The following IGF2R variants were observed in gnomAD, a reference collection of about 807,000 sequenced individuals.
IGF2R encodes cation-independent mannose-6-phosphate receptor.
IGF2R carries 91 observed loss-of-function variants against 270.6 expected under a neutral mutation model. That is an observed-to-expected ratio of 0.34 (90% CI 0.28 to 0.40). IGF2R has a LOEUF of 0.40. IGF2R is among the 10% of genes least tolerant of loss of function. The pLI is 1.00. For synonymous variants in IGF2R, 1,316 were observed against 1,258.9 expected (o/e 1.05, Z -0.96); for missense variants, 2,805 against 3,188.3 (o/e 0.88, Z 2.90).
Position 160,075,902 on chromosome 6 carries a change from A to G in IGF2R, c.5222A>G (p.Tyr1741Cys), listed in dbSNP as rs1364656789. The G allele has an allele frequency of 1.2e-6, 2 of 1,613,956 alleles. No homozygotes were observed. Among genetic ancestry groups the G allele is most frequent in the African/African-American group, 1.3e-5 (1 of 74,944 alleles). The change falls in exon 36 of 48, where the codon TAC becomes TGC. Residue 1741 changes from tyrosine to cysteine, a missense_variant. By Grantham distance (194) the Tyr-to-Cys change is radical (BLOSUM62 -2). Around this residue, in one of 2 missense-constraint regions of IGF2R, gnomAD observed 1,851 missense variants for 2,207.2 expected, o/e 0.84. Coordinates refer to ENST00000356956, the MANE Select transcript of IGF2R (RefSeq NM_000876.4). ...PILNPIANEI[Y>C]LNFESSTPCL... ...CTCAATCCAATAGCAAATGAGATTT[A>G]CTTGAATTTTGAAAGCAGTACTCCT...
At chr6:160,057,929 C>A in intron 20 of IGF2R, 94 bp from the exon 21 acceptor site, 1 of 734,504 alleles carries the variant, frequency 1.4e-6, no homozygotes, top group Admixed American at 2.1e-5. Context: ...TTGTCAGGTG[C>A]ATACTTGCAG....
chr6:160,085,183 G>A, intron 41 of IGF2R, 52 bp downstream of exon 41: 1 of 1,584,634 alleles, frequency 6.3e-7, no homozygotes, highest in Non-Finnish European at 8.6e-7. Context: ...TCTGAACCGG[G>A]AAGGTGAGGG....
rs1012364806 is a variant in IGF2R, at chr6:160,109,680, T to C, written c.*4596T>C. 6.6e-6 allele frequency: 1 copy of C among 152,184 alleles called. No homozygotes were observed. Among genetic ancestry groups the C allele is most frequent in the African/African-American group, 2.4e-5 (1 of 41,436 alleles). 9.4% of individuals were successfully genotyped at this position (152,184 alleles called of 1,614,324 possible). Reference sequence around the variant, plus strand: ...ATGGTCACGTGTTGCAGGTGATCATTGTGCCATTTGGTTTACTTCTGTCTG... The same window carrying C: ...ATGGTCACGTGTTGCAGGTGATCATCGTGCCATTTGGTTTACTTCTGTCTG... On this transcript the variant is annotated 3_prime_UTR_variant, in exon 48 of 48. Coordinates refer to ENST00000356956, the MANE Select transcript of IGF2R (RefSeq NM_000876.4).
chr6:160,032,610 T>A lies in IGF2R; in HGVS notation c.942T>A (p.Thr314=), dbSNP rs776635110. The stretch of plus-strand genomic sequence containing the variant: ...GCCGCTATGAAATTGAGTGGATTAC[T>A]GAGTATGCCTGCCACAGAGATTACC... ...SNCRYEIEWI[T]EYACHRDYLE... The change falls in exon 8 of 48, where the codon ACT becomes ACA. Residue 314 remains threonine, a synonymous_variant. Coordinates refer to ENST00000356956, the MANE Select transcript of IGF2R (RefSeq NM_000876.4). 1 of 1,614,196 alleles carries A rather than the reference T, an allele frequency of 6.2e-7. No homozygotes were observed. Among genetic ancestry groups the A allele is most frequent in the South Asian group, 1.1e-5 (1 of 91,080 alleles).
intron 1 of IGF2R, among the ~76,000 whole-genome samples, chr6:159,980,044 G>A (rs571489399): frequency 7.2e-5 from 11 of 152,118 alleles, no homozygotes; most frequent in East Asian, 5.8e-4. Context: ...AGATGGGCGC[G>A]GTGGCGGGCG....
intron 10 of IGF2R, 64 bp downstream of exon 10, chr6:160,034,586 C>A: frequency 1.9e-6 from 2 of 1,066,282 alleles, no homozygotes; most frequent in South Asian, 1.3e-5. Flanking sequence ...TGTGTGTGTG[C>A]ACAGGCGTGT....
intron 44 of IGF2R, chr6:160,093,298 C>T (rs1048887643): frequency 3.1e-5 from 7 of 228,390 alleles, no homozygotes; most frequent in Non-Finnish European, 6.1e-5. Flanking sequence ...ATGGCCAGCC[C>T]CTGCTCCGTA....
rs8191870 is a variant in IGF2R at position 160,069,561 on chromosome 6, A to C, written c.4253-307A>C. Among the ~76,000 whole-genome samples, 1,087 of 152,252 alleles carry C rather than the reference A, an allele frequency of 7.1e-3. 13 individuals are homozygous for C. The highest frequency in any genetic ancestry group is 0.025 in the African/African-American group (1,050 of 41,536). On this transcript the variant is annotated intron_variant, in intron 30 of 47. Transcript: ENST00000356956. ...CCATTTAAAATGTTCCTCTGTCTTA[A>C]TTTGGGAATATAACCTTCATCCTAT...
intron 1 of IGF2R, among the ~76,000 whole-genome samples, chr6:159,987,577 A>G (rs1025752654): frequency 1.3e-5 from 2 of 152,176 alleles, no homozygotes; most frequent in East Asian, 1.9e-4. Flanking sequence ...TTTTTAGTAG[A>G]GACGGAGTTT....
At chr6:159,977,311 G>A (rs1783710069) in intron 1 of IGF2R, among the ~76,000 whole-genome samples, 1 of 152,262 alleles carries the variant, frequency 6.6e-6, no homozygotes, top group South Asian at 2.1e-4. Flanking sequence ...GCACTCTGCA[G>A]TGGGTCTCCA....
chr6:160,011,499 T>G (rs889923993), intron 4 of IGF2R, among the ~76,000 whole-genome samples: 1 of 152,034 alleles, frequency 6.6e-6, no homozygotes. Flanking sequence ...TATGTATACA[T>G]TGAGGAATGG....
rs974197075 is a variant in IGF2R at position 160,050,396 on chromosome 6, T to C, written c.2515-77T>C. 3.6e-6 allele frequency: 5 copies of C among 1,385,238 alleles called. No homozygotes were observed. The highest frequency in any genetic ancestry group is 5.0e-6 in the Non-Finnish European group (5 of 1,001,952). 85.8% of individuals were successfully genotyped at this position (1,385,238 alleles called of 1,614,324 possible). ...TAATTCATTGTTTGCTGCAGCTTTA[T>C]AGAATGTAACCACCACCAATAACGA... is the stretch of plus-strand genomic sequence containing the variant. On this transcript the variant is annotated intron_variant, in intron 18 of 47. Coordinates refer to ENST00000356956, the MANE Select transcript of IGF2R (RefSeq NM_000876.4). The surrounding 1 kb of genome is among the most constrained non-coding windows in gnomAD (Gnocchi z 4.0).
chr6:160,086,835 G>C (rs916362024), intron 41 of IGF2R, among the ~76,000 whole-genome samples: 1 of 152,156 alleles, frequency 6.6e-6, no homozygotes, highest in Non-Finnish European at 1.5e-5. Context: ...TGAGCACTGT[G>C]CCCATGTTGC....
chr6:160,009,030 G>A lies in IGF2R; in HGVS notation c.310G>A (p.Ala104Thr). 6.2e-7 allele frequency: 1 copy of A among 1,613,914 alleles called. No homozygotes were observed. The highest frequency in any genetic ancestry group is 1.7e-4 in the Middle Eastern group (1 of 6,060). Residue 104 changes from alanine (A) to threonine (T), a missense_variant, in exon 3 of 48, where the codon GCA becomes ACA. Physicochemically the swap from Ala to Thr is moderately conservative, Grantham distance 58 (BLOSUM62 0). Coordinates refer to ENST00000356956, the MANE Select transcript of IGF2R (RefSeq NM_000876.4). ...HSVGDSVLRS[A>T]TRSLLEFNTT... Reference sequence around the variant, plus strand: ...AATAGGTGACTCTGTTTTGAGAAGTGCAACCAGATCTCTCCTGGAATTCAA... The same window carrying A: ...AATAGGTGACTCTGTTTTGAGAAGTACAACCAGATCTCTCCTGGAATTCAA...
intron 2 of IGF2R, among the ~76,000 whole-genome samples, chr6:159,997,687 A>G (rs1054394115): frequency 1.5e-4 from 23 of 152,054 alleles, no homozygotes; most frequent in African/African-American, 5.1e-4. Flanking sequence ...GTTTCATCCC[A>G]GGGGTTCTCC....
chr6:160,080,312 G>A (rs1562371337), intron 39 of IGF2R, 37 bp downstream of exon 39: 2 of 1,600,252 alleles, frequency 1.2e-6, no homozygotes, highest in Admixed American at 3.4e-5. Flanking sequence ...CATGGCCTGG[G>A]GCCTTGATAC....
intron 18 of IGF2R, among the ~76,000 whole-genome samples, chr6:160,049,861 G>A (rs112125530): frequency 6.6e-6 from 1 of 152,182 alleles, no homozygotes; most frequent in Non-Finnish European, 1.5e-5. Context: ...GAGACATTGG[G>A]GATTACAGCC....
At chr6:160,079,472 T>C (rs1303885066) in intron 37 of IGF2R, 108 bp from the exon 38 acceptor site, 1 of 745,034 alleles carries the variant, frequency 1.3e-6, no homozygotes, top group African/African-American at 1.8e-5. Context: ...GAGTCTTTGC[T>C]CTTCCTCATG....
In IGF2R at chr6:160,010,670, C is replaced by T; in HGVS notation, c.415-17C>T. 1 of 1,403,588 alleles carries T rather than the reference C, an allele frequency of 7.1e-7. No homozygotes were observed. The highest frequency in any genetic ancestry group is 2.3e-5 in the East Asian group (1 of 43,794). 86.9% of individuals were successfully genotyped at this position (1,403,588 alleles called of 1,614,324 possible). On this transcript the variant is annotated splice_polypyrimidine_tract_variant and intron_variant, in intron 3 of 47. Coordinates refer to ENST00000356956, the MANE Select transcript of IGF2R (RefSeq NM_000876.4). The stretch of plus-strand genomic sequence containing the variant: ...GTGTGGTATGGTAACATTATAATTA[C>T]TATTTTTTTTTAATAGGGAACTCCT...
Sources: gnomAD v4.1 joint callset for allele counts (sites outside exome capture counted in the v4.1 genomes callset) on GRCh38, gnomAD v4.1.1 for gene constraint, gnomAD v4.1.1 regional missense constraint, Gnocchi (gnomAD v3.1) non-coding constraint, MANE v1.5 for transcripts, NCBI Gene and HGNC (gene_info 2026-07-23, HGNC 2026-07-21) for gene names.